SNX8: variants seen among roughly 807,000 people sequenced by gnomAD.
The protein encoded by SNX8 is sorting nexin-8.
SNX8 carries 25 observed loss-of-function variants against 51.6 expected under a neutral mutation model. That is an observed-to-expected ratio of 0.48 (90% CI 0.35 to 0.68). The LOEUF is 0.68. Among genes scored for constraint, SNX8 ranks in the 30% least tolerant of loss-of-function variants. The pLI, the probability that SNX8 is intolerant of heterozygous loss-of-function variation, is 0.00. For synonymous variants in SNX8, 324 were observed against 277.0 expected, an observed-to-expected ratio of 1.17 and a Z score of -1.68; for missense variants, 695 against 624.0, an observed-to-expected ratio of 1.11 and a Z score of -1.21.
At chr7:2,277,538 C>T (rs952420044) in intron 2 of SNX8, among the ~76,000 whole-genome samples, 1 of 152,178 alleles carries the variant, frequency 6.6e-6, no homozygotes, top group Non-Finnish European at 1.5e-5. Context: ...CGGTGGCTCA[C>T]GCCAGTAATC....
intron 1 of SNX8, among the ~76,000 whole-genome samples, chr7:2,337,964 G>T (rs1778860189): frequency 6.6e-6 from 1 of 151,760 alleles, no homozygotes; most frequent in South Asian, 2.1e-4. Flanking sequence ...CTGTTATAAT[G>T]AAAACTATTA....
intron 1 of SNX8, among the ~76,000 whole-genome samples, chr7:2,341,483 G>A (rs1223635835): frequency 3.3e-5 from 5 of 151,560 alleles, no homozygotes; most frequent in Admixed American, 2.0e-4. Flanking sequence ...TGGGCAACAA[G>A]AGCGAGACTC....
At chr7:2,293,513 T>C (rs1220261585) in intron 1 of SNX8, among the ~76,000 whole-genome samples, 2 of 147,950 alleles carry the variant, frequency 1.4e-5, no homozygotes, top group Non-Finnish European at 3.0e-5. Context: ...AATACAAAAA[T>C]TAGCTGGGTG....
At chr7:2,350,772 G>T (rs1046663080) in intron 1 of SNX8, among the ~76,000 whole-genome samples, 15 of 152,024 alleles carry the variant, frequency 9.9e-5, no homozygotes, top group African/African-American at 3.6e-4. Flanking sequence ...TCAGCCTCCT[G>T]AGTAGCTGGG....
chr7:2,318,967 C>G (rs1459731473), upstream of SNX8, among the ~76,000 whole-genome samples: 1 of 152,096 alleles, frequency 6.6e-6, no homozygotes, highest in East Asian at 1.9e-4. Flanking sequence ...GTGATCGCAT[C>G]ACTGCACTCC....
At chr7:2,279,893 C>A (rs551313132) in intron 1 of SNX8, among the ~76,000 whole-genome samples, 1 of 151,896 alleles carries the variant, frequency 6.6e-6, no homozygotes. Flanking sequence ...GAAATATGTA[C>A]AAGTTTTGTG....
upstream of SNX8, among the ~76,000 whole-genome samples, chr7:2,314,625 T>TC (rs1210058951): frequency 6.7e-6 from 1 of 150,244 alleles, no homozygotes; most frequent in Non-Finnish European, 1.5e-5. Flanking sequence ...CACATGCCCC[T>TC]CCCCGTCCAC....
intron 1 of SNX8, among the ~76,000 whole-genome samples, chr7:2,304,099 G>T (rs1180585224): frequency 6.7e-6 from 1 of 149,914 alleles, no homozygotes; most frequent in Non-Finnish European, 1.5e-5. Context: ...TCCAGGAGGC[G>T]GAGCTTGCAG....
upstream of SNX8, among the ~76,000 whole-genome samples, chr7:2,319,114 A>G (rs1320145676): frequency 1.3e-5 from 2 of 148,286 alleles, no homozygotes; most frequent in Non-Finnish European, 3.0e-5. Flanking sequence ...CGAGACCAGC[A>G]GATCACCTGA....
intron 5 of SNX8, 125 bp from the exon 6 acceptor site, chr7:2,264,583 G>T: frequency 1.2e-6 from 1 of 802,708 alleles, no homozygotes; most frequent in Non-Finnish European, 1.9e-6. Flanking sequence ...CACCCCGGGA[G>T]CCCCACTCCT....
chr7:2,321,393 G>T (rs376423574), intron 1 of SNX8, among the ~76,000 whole-genome samples: 1 of 151,688 alleles, frequency 6.6e-6, no homozygotes, highest in Non-Finnish European at 1.5e-5. Context: ...CTATTCCTGC[G>T]TATTCAGGGA....
At chr7:2,351,165 C>T (rs1562466881) in intron 1 of SNX8, among the ~76,000 whole-genome samples, 1 of 151,954 alleles carries the variant, frequency 6.6e-6, no homozygotes, top group Admixed American at 6.6e-5. Flanking sequence ...ACACAGGCCA[C>T]GCTGCAGGTC....
At chr7:2,298,993 T>C (rs1796333897) in intron 1 of SNX8, among the ~76,000 whole-genome samples, 1 of 152,012 alleles carries the variant, frequency 6.6e-6, no homozygotes, top group African/African-American at 2.4e-5. Context: ...ATGCCTGGTC[T>C]GAGCTTTTCT....
intron 1 of SNX8, among the ~76,000 whole-genome samples, chr7:2,324,447 C>G (rs943677023): frequency 6.6e-6 from 1 of 151,726 alleles, no homozygotes; most frequent in African/African-American, 2.4e-5. Context: ...TGCGCCACCA[C>G]GCCTGGCTAA....
chr7:2,286,024 T>A (rs1478646614), intron 1 of SNX8, among the ~76,000 whole-genome samples: 7 of 150,860 alleles, frequency 4.6e-5, no homozygotes, highest in Non-Finnish European at 8.9e-5. Context: ...TTTTTTTTTC[T>A]TTTTTGAGAG....
chr7:2,316,211 CCACT>C (rs1431801276), upstream of SNX8, among the ~76,000 whole-genome samples: 6 of 124,960 alleles, frequency 4.8e-5, 1 homozygote, highest in East Asian at 2.7e-4. Context: ...ACTCACCCAC[CCACT>C]CACTCACTGC....
At chr7:2,327,587 T>C (rs546357260) in intron 1 of SNX8, among the ~76,000 whole-genome samples, 7 of 152,268 alleles carry the variant, frequency 4.6e-5, no homozygotes, top group African/African-American at 1.7e-4. Context: ...TTTTGTGTTT[T>C]TAGTAGAGAT....
upstream of SNX8, among the ~76,000 whole-genome samples, chr7:2,317,305 G>T (rs1474218670): frequency 2.1e-5 from 2 of 94,596 alleles, no homozygotes; most frequent in Non-Finnish European, 3.9e-5. Context: ...TTGAGACAGA[G>T]TCTCACTCTG....
chr7:2,283,324 C>G (rs1401989354), intron 1 of SNX8, among the ~76,000 whole-genome samples: 1 of 152,200 alleles, frequency 6.6e-6, no homozygotes, highest in Non-Finnish European at 1.5e-5. Context: ...CCAAGCCCGC[C>G]CCGGACTGGC....
Sources: gnomAD v4.1 joint callset for allele counts (sites outside exome capture counted in the v4.1 genomes callset) on GRCh38, gnomAD v4.1.1 for gene constraint, MANE v1.5 for transcripts, NCBI Gene and HGNC (gene_info 2026-07-23, HGNC 2026-07-21) for gene names.